ROR1: variants seen among roughly 807,000 people sequenced by gnomAD.
ROR1 encodes inactive tyrosine-protein kinase transmembrane receptor ROR1.
ROR1 carries 19 observed loss-of-function variants against 78.8 expected under a neutral mutation model. That is an observed-to-expected ratio of 0.24 (90% CI 0.17 to 0.35). The LOEUF is 0.35. Ranked by LOEUF, ROR1 falls within the 10% of genes least tolerant of loss-of-function variation. ROR1 has a pLI of 1.00. For missense variants in ROR1, 917 were observed against 1,177.8 expected (o/e 0.78, Z 3.24); for synonymous variants, 386 against 433.6 (o/e 0.89, Z 1.36).
At chr1:63,986,470 G>A (rs2100515260) in intron 1 of ROR1, among the ~76,000 whole-genome samples, 1 of 152,304 alleles carries the variant, frequency 6.6e-6, no homozygotes. Flanking sequence ...GTTTGGAATG[G>A]TGAGCTGTCA....
intron 1 of ROR1, among the ~76,000 whole-genome samples, chr1:63,948,159 G>A (rs1645905165): frequency 6.6e-6 from 1 of 152,080 alleles, no homozygotes; most frequent in South Asian, 2.1e-4. Context: ...CTAGACCTGT[G>A]CAAGTTGATC....
rs376139385 is a variant in ROR1 at position 64,177,743 on chromosome 1, T to A, written c.1702T>A (p.Ser568Thr). 2.5e-5 allele frequency: 40 copies of A among 1,614,122 alleles called. No individual in the cohort carries two copies. Among genetic ancestry groups the A allele is most frequent in the Non-Finnish European group, 3.4e-5 (40 of 1,180,022 alleles). The change falls in exon 9 of 9, where the codon TCC (serine) becomes ACC (threonine). Residue 568 changes from serine (S) to threonine (T), a missense_variant. Physicochemically the swap from Ser to Thr is moderately conservative, Grantham distance 58. Around this residue, in one of 3 missense-constraint regions of ROR1, gnomAD observed 835 missense variants for 1,069.8 expected, o/e 0.78. Coordinates refer to ENST00000371079, the MANE Select transcript of ROR1 (RefSeq NM_005012.4). ...TCTCCATGAGTTCCTCATCATGAGA[T>A]CCCCACACTCTGATGTTGGCTGCAG... is the stretch of plus-strand genomic sequence containing the variant. Reference protein sequence around the residue: ...GDLHEFLIMRSPHSDVGCSSD... With the variant: ...GDLHEFLIMRTPHSDVGCSSD...
At chr1:64,131,343 T>A (rs1480130660) in intron 4 of ROR1, among the ~76,000 whole-genome samples, 1 of 152,026 alleles carries the variant, frequency 6.6e-6, no homozygotes, top group African/African-American at 2.4e-5. Flanking sequence ...CAAGTCACTG[T>A]CCCCGGCATT....
In ROR1 at chr1:64,035,586, A is replaced by G. The variant is rs897651587; in HGVS notation, c.164-14105A>G. 1.3e-5 allele frequency among the ~76,000 whole-genome samples: 2 copies of G among 152,078 alleles called. 1 individual carries two copies. Among genetic ancestry groups the G allele is most frequent in the South Asian group, 4.1e-4 (2 of 4,830 alleles). On this transcript the variant is annotated intron_variant, in intron 2 of 8. Coordinates refer to ENST00000371079, the MANE Select transcript of ROR1 (RefSeq NM_005012.4). ...AGAGTCTCTTTCCCAGGAATTTGCAATTGGAACTCAGAGGTAGCCTGTTAG... is the reference window on the plus strand; with the variant it reads ...AGAGTCTCTTTCCCAGGAATTTGCAGTTGGAACTCAGAGGTAGCCTGTTAG...
intron 2 of ROR1, among the ~76,000 whole-genome samples, chr1:64,040,484 T>C (rs1646737544): frequency 6.6e-6 from 1 of 152,118 alleles, no homozygotes; most frequent in African/African-American, 2.4e-5. Flanking sequence ...TGAGGTAAAA[T>C]AGATACAAAA....
chr1:63,980,689 TTA>T (rs1214338008), intron 1 of ROR1, among the ~76,000 whole-genome samples: 2 of 152,182 alleles, frequency 1.3e-5, no homozygotes, highest in African/African-American at 4.8e-5. Context: ...TCTCAATGGT[TTA>T]TGTTAACCTT....
chr1:64,148,022 T>C (rs949275803), intron 7 of ROR1, among the ~76,000 whole-genome samples: 2 of 152,196 alleles, frequency 1.3e-5, no homozygotes, highest in African/African-American at 4.8e-5. Context: ...TGTCGAATGT[T>C]GGGGTTGAGG....
intron 1 of ROR1, among the ~76,000 whole-genome samples, chr1:63,913,560 G>A (rs1645587093): frequency 6.6e-6 from 1 of 152,124 alleles, no homozygotes. Flanking sequence ...TGTATTCATT[G>A]AGCAACTATT....
chr1:63,996,682 G>A lies in ROR1; in HGVS notation c.92-12623G>A, dbSNP rs183288182. ...AATCACACTTTTAATATATTTTTCT[G>A]AAAATAGTTCTTTTTTTCCCCCCTT... On this transcript the variant is annotated intron_variant, in intron 1 of 8. Transcript: ENST00000371079. 2.4e-3 allele frequency among the ~76,000 whole-genome samples: 365 copies of A among 152,222 alleles called. 1 individual carries two copies. The highest frequency in any genetic ancestry group is 8.3e-3 in the African/African-American group (346 of 41,548).
chr1:63,847,623 C>T (rs573508187), intron 1 of ROR1, among the ~76,000 whole-genome samples: 39 of 151,982 alleles, frequency 2.6e-4, no homozygotes, highest in Non-Finnish European at 4.7e-4. Flanking sequence ...GAGGCTGGGT[C>T]GGTAAAACCC....
intron 8 of ROR1, among the ~76,000 whole-genome samples, chr1:64,176,919 T>A (rs1650398814): frequency 1.3e-5 from 2 of 152,230 alleles, no homozygotes; most frequent in Non-Finnish European, 2.9e-5. Context: ...CCTATTTAAC[T>A]AAAGTGATGC....
intron 4 of ROR1, among the ~76,000 whole-genome samples, chr1:64,069,560 T>G (rs1282110832): frequency 1.3e-5 from 2 of 151,540 alleles, no homozygotes; most frequent in African/African-American, 4.9e-5. Flanking sequence ...ATGTGTGTGA[T>G]TGGGTGATCA....
rs71056009 is a variant in ROR1 at position 63,846,118 on chromosome 1, ATGTGTGTGTGTGTGTGTGTGTGTG to A, written c.91+71640_91+71663del. Among the ~76,000 whole-genome samples, 114 of 136,352 alleles carry A rather than the reference ATGTGTGTGTGTGTGTGTGTGTGTG, an allele frequency of 8.4e-4. No homozygotes were observed. In the Middle Eastern group the frequency reaches 0.015, roughly 18 times the overall value. 89.5% of individuals were successfully genotyped at this position (136,352 alleles called of 152,430 possible). A position where few individuals can be genotyped will look rare whatever the true frequency, so the allele number is the denominator to read the frequency against. On this transcript the variant is annotated intron_variant, in intron 1 of 8. Transcript: ENST00000371079. ...TTTTTATTTGACAGAGAGAGAGAGA[ATGTGTGTGTGTGTGTGTGTGTGTG>A]TGTGTGTGTGTGTGTGTGTGTGTGT...
chr1:64,060,468 T>C (rs1363676633), intron 4 of ROR1, among the ~76,000 whole-genome samples: 1 of 152,234 alleles, frequency 6.6e-6, no homozygotes. Flanking sequence ...TGACCAGCTT[T>C]TGATGAACTA....
chr1:63,811,554 C>T lies in ROR1; in HGVS notation c.91+37046C>T, dbSNP rs137869257. Among the ~76,000 whole-genome samples the T allele has an allele frequency of 4.9e-4, 75 of 152,216 alleles. No homozygotes were observed. The East Asian group carries it at 9.3e-3, about 19-fold the overall frequency. ...GATTTTAGTAGACCTTATAGGGAAACCCCTCACTCCATCTTTTTTTTCCCC... is the reference window on the plus strand; with the variant it reads ...GATTTTAGTAGACCTTATAGGGAAATCCCTCACTCCATCTTTTTTTTCCCC... On this transcript the variant is annotated intron_variant, in intron 1 of 8. Transcript: ENST00000371079.
intron 1 of ROR1, among the ~76,000 whole-genome samples, chr1:63,943,862 C>T (rs980414450): frequency 3.3e-5 from 5 of 152,180 alleles, no homozygotes; most frequent in Non-Finnish European, 7.3e-5. Context: ...ACCAATAATA[C>T]AGCTCAGACA....
rs1400686831 is a variant in ROR1 at position 64,151,534 on chromosome 1, GA to G, written c.1175-7446del. On this transcript the variant is annotated intron_variant, in intron 7 of 8. Transcript: ENST00000371079. ...GATACTCAGGGGAAATGTCATCACT[GA>G]CTTTAAATCGCTTCATAAGAGTCAG... 2.0e-5 allele frequency among the ~76,000 whole-genome samples: 3 copies of G among 152,214 alleles called. No homozygotes were observed. In the South Asian group the frequency reaches 6.2e-4, roughly 32 times the overall value.
intron 4 of ROR1, among the ~76,000 whole-genome samples, chr1:64,128,466 C>T (rs952348204): frequency 1.3e-5 from 2 of 151,916 alleles, no homozygotes; most frequent in East Asian, 3.9e-4. Context: ...GAGATCCTGT[C>T]TCAAAAAATA....
chr1:63,794,672 T>C (rs1259156269), intron 1 of ROR1, among the ~76,000 whole-genome samples: 1 of 152,218 alleles, frequency 6.6e-6, no homozygotes, highest in Admixed American at 6.5e-5. Flanking sequence ...ATCTGTAAAA[T>C]GCAGTGGCTT....
Sources: allele counts gnomAD v4.1 joint callset (sites outside exome capture counted in the v4.1 genomes callset), GRCh38; gene constraint gnomAD v4.1.1; regional missense constraint gnomAD v4.1.1; transcripts MANE v1.5; gene names NCBI Gene and HGNC (gene_info 2026-07-23, HGNC 2026-07-21).